ATP11B: variants seen among roughly 807,000 people sequenced by gnomAD.
ATP11B encodes the protein phospholipid-transporting ATPase IF.
Under a neutral mutation model 157.8 loss-of-function variants are expected in ATP11B, and 81 were observed. The ratio of observed to expected loss-of-function variants is 0.51; its 90% confidence interval spans 0.43 to 0.62. ATP11B has a LOEUF of 0.62. ATP11B is among the 20% of genes least tolerant of loss of function. The pLI is 0.00. For synonymous variants in ATP11B, 451 were observed against 469.4 expected, an observed-to-expected ratio of 0.96 and a Z score of 0.51; for missense variants, 1,165 against 1,402.2, an observed-to-expected ratio of 0.83 and a Z score of 2.70.
chr3:182,905,889 C>T (rs1724310164), intron 28 of ATP11B: 5 of 456,636 alleles, frequency 1.1e-5, no homozygotes, highest in Middle Eastern at 3.3e-4. Context: ...CTGAGGCTTG[C>T]AGCCAGCAGG....
At chr3:182,879,449 A>G (rs1365230986) in intron 19 of ATP11B, 47 bp from the exon 20 acceptor site, 1 of 1,504,018 alleles carries the variant, frequency 6.6e-7, no homozygotes, top group East Asian at 2.3e-5. Flanking sequence ...TGTAAATAAT[A>G]TGGCTTCAAA....
intron 2 of ATP11B, among the ~76,000 whole-genome samples, chr3:182,823,711 G>A (rs190451700): frequency 1.2e-3 from 187 of 152,194 alleles, no homozygotes; most frequent in African/African-American, 4.2e-3. Context: ...TGGGCAGTAT[G>A]GCCATTTTCA....
intron 2 of ATP11B, among the ~76,000 whole-genome samples, chr3:182,822,928 G>A: frequency 6.6e-6 from 1 of 152,216 alleles, no homozygotes; most frequent in East Asian, 1.9e-4. Flanking sequence ...TTGGAGAAGT[G>A]TCTGTTGATA....
intron 4 of ATP11B, among the ~76,000 whole-genome samples, chr3:182,832,790 A>G (rs1718253916): frequency 1.3e-5 from 2 of 152,146 alleles, no homozygotes; most frequent in South Asian, 4.1e-4. Context: ...CGATTCTAAA[A>G]CCTATGAAAT....
At chr3:182,839,835 A>G (rs1718864153) in intron 7 of ATP11B, among the ~76,000 whole-genome samples, 1 of 151,844 alleles carries the variant, frequency 6.6e-6, no homozygotes, top group Non-Finnish European at 1.5e-5. Context: ...CTGTTATCAA[A>G]CTCCTGACCT....
At chr3:182,903,489 A>G (rs528720767) in intron 28 of ATP11B, among the ~76,000 whole-genome samples, 18 of 152,286 alleles carry the variant, frequency 1.2e-4, no homozygotes, top group East Asian at 7.7e-4. Flanking sequence ...ATAAAACTCT[A>G]TGAGTTCATA....
In ATP11B at chr3:182,828,141, C is replaced by T. The variant is rs775448742; in HGVS notation, c.166C>T (p.Pro56Ser). The stretch of plus-strand genomic sequence containing the variant: ...TTAGTACACTGTGTGGAATTTTGTT[C>T]CAAAAAATTTATTTGAACAGTTCAG... ...SSKYTVWNFV[P>S]KNLFEQFRRV... The change falls in exon 3 of 30, where the codon CCA (proline) becomes TCA (serine). Residue 56 changes from proline (P) to serine (S), a missense_variant. Pro to Ser is a moderately conservative substitution (Grantham distance 74, BLOSUM62 -1). This residue lies in a region of ATP11B where 91 missense variants were observed against 95.8 expected (regional missense o/e 0.95). Coordinates refer to ENST00000323116, the MANE Select transcript of ATP11B (RefSeq NM_014616.3). 20 of 1,469,024 alleles carry T rather than the reference C, an allele frequency of 1.4e-5. No individual in the cohort carries two copies. The South Asian group carries it at 2.8e-4, about 20-fold the overall frequency. 91.0% of individuals were successfully genotyped at this position (1,469,024 alleles called of 1,614,324 possible). A position where few individuals can be genotyped will look rare whatever the true frequency, so the allele number is the denominator to read the frequency against.
intron 17 of ATP11B, among the ~76,000 whole-genome samples, chr3:182,870,927 G>GAA (rs756934976): frequency 1.9e-5 from 2 of 102,614 alleles, no homozygotes; most frequent in African/African-American, 8.7e-5. Flanking sequence ...GTCTCCGTCT[G>GAA]AAAAAAAAAA....
chr3:182,820,273 C>G lies in ATP11B; in HGVS notation c.41C>G (p.Pro14Arg), dbSNP rs761899019. Reference protein sequence around the residue: ...WIRQQLGFDPPHQSDTRTIYV... With the variant: ...WIRQQLGFDPRHQSDTRTIYV... ...GATTGGTCTTAGGGTTTTGACCCACCACATCAGAGTGACACAAGAACCATC... is the reference window on the plus strand; with the variant it reads ...GATTGGTCTTAGGGTTTTGACCCACGACATCAGAGTGACACAAGAACCATC... The change falls in exon 2 of 30, where the codon CCA (proline) becomes CGA (arginine). Residue 14 changes from proline to arginine, a missense_variant. This residue lies in a region of ATP11B where 91 missense variants were observed against 95.8 expected (regional missense o/e 0.95). Transcript: ENST00000323116. 6.2e-7 allele frequency: 1 copy of G among 1,613,390 alleles called. No individual in the cohort carries two copies. Among genetic ancestry groups the G allele is most frequent in the Non-Finnish European group, 8.5e-7 (1 of 1,179,360 alleles).
chr3:182,836,085 T>C lies in ATP11B; in HGVS notation c.366T>C (p.Ala122=). The C allele has an allele frequency of 6.2e-7, 1 of 1,613,702 alleles. No homozygotes were observed. The highest frequency in any genetic ancestry group is 8.5e-7 in the Non-Finnish European group (1 of 1,179,756). The stretch of plus-strand genomic sequence containing the variant: ...ACTCAGATAATGAAGTAAATGGAGC[T>C]CCTGTTTATGTTGTTCGAAGTGGTG... ...RHNSDNEVNG[A]PVYVVRSGGL... The change falls in exon 5 of 30, where the codon GCT becomes GCC. Residue 122 remains alanine, a synonymous_variant. Coordinates refer to ENST00000323116, the MANE Select transcript of ATP11B (RefSeq NM_014616.3).
chr3:182,808,691 G>A (rs1377325404), intron 1 of ATP11B, among the ~76,000 whole-genome samples: 1 of 152,044 alleles, frequency 6.6e-6, no homozygotes, highest in African/African-American at 2.4e-5. Context: ...TAAATTTATA[G>A]ATGTCCTTGT....
chr3:182,842,345 C>T (rs1037182335), intron 8 of ATP11B, among the ~76,000 whole-genome samples: 2 of 152,142 alleles, frequency 1.3e-5, no homozygotes, highest in African/African-American at 4.8e-5. Context: ...CCCAGAACTG[C>T]TTACTTTTCT....
chr3:182,874,913 A>T (rs1465760136), intron 19 of ATP11B, among the ~76,000 whole-genome samples: 1 of 152,000 alleles, frequency 6.6e-6, no homozygotes, highest in Non-Finnish European at 1.5e-5. Flanking sequence ...CTCTTGGCCC[A>T]CAAAACCTAA....
At chr3:182,913,129 A>G (rs1724907900) in intron 28 of ATP11B, among the ~76,000 whole-genome samples, 1 of 152,212 alleles carries the variant, frequency 6.6e-6, no homozygotes, top group African/African-American at 2.4e-5. Flanking sequence ...TCAAATCTTG[A>G]TAGTACTACT....
chr3:182,796,847 A>G (rs1378950327), intron 1 of ATP11B, among the ~76,000 whole-genome samples: 2 of 152,234 alleles, frequency 1.3e-5, no homozygotes, highest in East Asian at 1.9e-4. Flanking sequence ...AGCCCAGAAA[A>G]AAGTTAGAAA....
In ATP11B at chr3:182,920,725, C is replaced by A. The variant is rs1725424754; in HGVS notation, c.*2621C>A. On this transcript the variant is annotated 3_prime_UTR_variant, in exon 30 of 30. Coordinates refer to ENST00000323116, the MANE Select transcript of ATP11B (RefSeq NM_014616.3). ...TAAGTGACTCAGCACCCTGCCTCAG[C>A]TTCAGCAGGCGTAGGCTCACCCTGG... 6.6e-6 allele frequency: 1 copy of A among 152,266 alleles called. No homozygotes were observed. Among genetic ancestry groups the A allele is most frequent in the Non-Finnish European group, 1.5e-5 (1 of 68,088 alleles). 9.4% of individuals were successfully genotyped at this position (152,266 alleles called of 1,614,324 possible). A position where few individuals can be genotyped will look rare whatever the true frequency, so the allele number is the denominator to read the frequency against.
At chr3:182,877,058 T>C (rs1331641105) in intron 19 of ATP11B, among the ~76,000 whole-genome samples, 1 of 152,250 alleles carries the variant, frequency 6.6e-6, no homozygotes, top group Non-Finnish European at 1.5e-5. Context: ...CACAAAGATA[T>C]ATTGTCACCT....
Position 182,849,503 on chromosome 3 carries a change from A to G in ATP11B, c.851+946A>G, listed in dbSNP as rs564658965. ...TTAGCAGACGAGAACTTTAAAGCAG[A>G]TATTATAAATTTATTATAAACATGT... On this transcript the variant is annotated intron_variant, in intron 10 of 29. Transcript: ENST00000323116. Among the ~76,000 whole-genome samples, 3 of 152,360 alleles carry G rather than the reference A, an allele frequency of 2.0e-5. No homozygotes were observed. The East Asian group carries it at 5.8e-4, about 29-fold the overall frequency.
At chr3:182,823,291 A>G (rs142341836) in intron 2 of ATP11B, among the ~76,000 whole-genome samples, 3 of 152,294 alleles carry the variant, frequency 2.0e-5, no homozygotes, top group Admixed American at 6.5e-5. Context: ...TAATTTTTGT[A>G]TAAGGTGTAA....
Sources: allele counts gnomAD v4.1 joint callset (sites outside exome capture counted in the v4.1 genomes callset), GRCh38; gene constraint gnomAD v4.1.1; regional missense constraint gnomAD v4.1.1; transcripts MANE v1.5; gene names NCBI Gene and HGNC (gene_info 2026-07-23, HGNC 2026-07-21).